Variants in KDM3A observed in about 807,000 individuals in gnomAD.
The protein encoded by KDM3A is lysine demethylase 3A.
KDM3A carries 60 observed loss-of-function variants against 158.0 expected under a neutral mutation model. The ratio of observed to expected loss-of-function variants is 0.38; its 90% CI spans 0.31 to 0.47. The LOEUF is 0.47. KDM3A is among the 20% of genes least tolerant of loss of function. The pLI is 0.99. For synonymous variants in KDM3A, 608 were observed against 549.3 expected, an observed-to-expected ratio of 1.11 and a Z score of -1.49; for missense variants, 1,319 against 1,574.3, an observed-to-expected ratio of 0.84 and a Z score of 2.74.
In KDM3A at chr2:86,489,519, G is replaced by C; in HGVS notation, c.3434-1G>C. 1 of 1,612,184 alleles carries C rather than the reference G, an allele frequency of 6.2e-7. No individual in the cohort carries two copies. The highest frequency in any genetic ancestry group is 1.1e-5 in the South Asian group (1 of 90,908). ...ATATCTGCTTTCTCTTCTTGCTCTA[G>C]AAGTCCTTAAGACCATCCAAGATGG... On this transcript the variant is annotated splice_acceptor_variant, in intron 22 of 25. Coordinates refer to ENST00000312912, the MANE Select transcript of KDM3A (RefSeq NM_018433.6). LOFTEE classifies it high-confidence loss of function.
At chr2:86,451,279 A>C (rs1672452807) in intron 4 of KDM3A, 66 bp downstream of exon 4, 3 of 1,023,406 alleles carry the variant, frequency 2.9e-6, no homozygotes, top group Non-Finnish European at 4.3e-6. Context: ...ATGAGAAGTA[A>C]AGTACAGTTG....
intron 8 of KDM3A, among the ~76,000 whole-genome samples, chr2:86,457,608 T>C (rs1043493707): frequency 3.9e-5 from 6 of 152,188 alleles, no homozygotes; most frequent in African/African-American, 1.4e-4. Context: ...CTCAATAGAT[T>C]TGACAATTTC....
rs767834712 is a variant in KDM3A, at chr2:86,482,074, G to A, written c.2657G>A (p.Arg886Gln). 3.7e-5 allele frequency: 59 copies of A among 1,613,882 alleles called. No individual in the cohort carries two copies. Among genetic ancestry groups the A allele is most frequent in the Non-Finnish European group, 4.4e-5 (52 of 1,179,970 alleles). ...AGCAACAACAATTCTGGTTTCCTCC[G>A]GAATCTCTTGAATTCTTCTACAGGA... ...PVSNNNSGFLRNLLNSSTGKT... is the reference protein window; with the variant it reads ...PVSNNNSGFLQNLLNSSTGKT... Residue 886 changes from arginine (R) to glutamine (Q), a missense_variant, in exon 17 of 26, where the codon CGG becomes CAG. Arg to Gln is a conservative substitution (Grantham distance 43, BLOSUM62 1). Transcript: ENST00000312912.
intron 25 of KDM3A, 171 bp downstream of exon 25, chr2:86,491,446 C>G: frequency 1.6e-6 from 1 of 632,120 alleles, no homozygotes. Context: ...GAGGGAGGAA[C>G]AAGAGGAAAT....
At chr2:86,488,169 A>G (rs1367971879) in intron 21 of KDM3A, 2 of 152,170 alleles carry the variant, frequency 1.3e-5, no homozygotes, top group African/African-American at 4.8e-5. Flanking sequence ...CCATGCTGTC[A>G]TATATCATCC....
chr2:86,447,791 A>G lies in KDM3A; in HGVS notation c.187-2016A>G, dbSNP rs1453828836. On this transcript the variant is annotated intron_variant, in intron 2 of 25. Coordinates refer to ENST00000312912, the MANE Select transcript of KDM3A (RefSeq NM_018433.6). ...TGTAAAATCATTCTAAGAGAGATTC[A>G]GTGTAGCTGGGAATTCAAGGTCTCT... Among the ~76,000 whole-genome samples the G allele has an allele frequency of 3.9e-5, 6 of 152,236 alleles. No individual in the cohort carries two copies. The East Asian group carries it at 1.2e-3, about 29-fold the overall frequency.
chr2:86,464,057 C>T lies in KDM3A; in HGVS notation c.848C>T (p.Ser283Phe). 6.4e-7 allele frequency: 1 copy of T among 1,569,758 alleles called. No individual in the cohort carries two copies. The highest frequency in any genetic ancestry group is 8.7e-7 in the Non-Finnish European group (1 of 1,155,846). ...SKQAKSCSEA[S>F]PSMCPVQSVP... ...TGTTGGTTTGGTATCTTCTAGGCCT[C>T]TCCCAGTATGTGTCCTGTGCAGTCT... The change falls in exon 9 of 26, where the codon TCT (serine) becomes TTT (phenylalanine). Residue 283 changes from serine (S) to phenylalanine (F), a missense_variant. Physicochemically the swap from Ser to Phe is radical, Grantham distance 155. Transcript: ENST00000312912.
intron 5 of KDM3A, among the ~76,000 whole-genome samples, chr2:86,455,399 C>T (rs923458729): frequency 2.6e-5 from 4 of 151,316 alleles, no homozygotes; most frequent in East Asian, 1.9e-4. Flanking sequence ...ACTACAGGCA[C>T]GCACCACCAC....
Position 86,474,803 on chromosome 2 carries a change from G to A in KDM3A, c.1752G>A (p.Leu584=), listed in dbSNP as rs376795532. ...TACAATTCAACAAACATGGTGTGTT[G>A]CGGGTAGAAGGCTTCTTAACACCAA... ...RRLQFNKHGV[L]RVEGFLTPNK... is the part of the protein sequence containing the mutation. The change falls in exon 12 of 26, where the codon TTG becomes TTA. Residue 584 remains leucine (L), a synonymous_variant. Coordinates refer to ENST00000312912, the MANE Select transcript of KDM3A (RefSeq NM_018433.6). 3.2e-6 allele frequency: 5 copies of A among 1,584,734 alleles called. No homozygotes were observed. The highest frequency in any genetic ancestry group is 4.3e-6 in the Non-Finnish European group (5 of 1,160,458).
At chr2:86,482,792 T>TCA (rs1313598994) in intron 18 of KDM3A, 98 bp downstream of exon 18, 3 of 1,055,274 alleles carry the variant, frequency 2.8e-6, no homozygotes, top group Non-Finnish European at 4.2e-6. Context: ...TCCCCCTCCT[T>TCA]CACCTCCTGT....
rs1453163384 is a variant in KDM3A at position 86,457,068 on chromosome 2, T to G, written c.840T>G (p.Ser280=). The change falls in exon 8 of 26, where the codon TCT becomes TCG. Residue 280 remains serine (S), a synonymous_variant. Transcript: ENST00000312912. The part of the protein sequence containing the change: ...TLVSKQAKSC[S]EASPSMCPVQ... ...TTTCCAAACAAGCAAAATCTTGCTC[T>G]GAGGTAACCTTTATTTATGTCACTT... 1 of 1,556,288 alleles carries G rather than the reference T, an allele frequency of 6.4e-7. No homozygotes were observed. Among genetic ancestry groups the G allele is most frequent in the East Asian group, 2.3e-5 (1 of 44,046 alleles).
intron 4 of KDM3A, 121 bp downstream of exon 4, chr2:86,451,334 G>T: frequency 1.8e-6 from 1 of 560,478 alleles, no homozygotes; most frequent in Non-Finnish European, 3.1e-6. Flanking sequence ...TCCTTGCACA[G>T]TAAAACATCT....
chr2:86,458,206 T>C (rs940295813), intron 8 of KDM3A, among the ~76,000 whole-genome samples: 1 of 152,204 alleles, frequency 6.6e-6, no homozygotes, highest in African/African-American at 2.4e-5. Flanking sequence ...AAGCTAGCAC[T>C]GTGCCACACA....
chr2:86,448,133 A>G (rs1683028826), intron 2 of KDM3A, among the ~76,000 whole-genome samples: 1 of 152,266 alleles, frequency 6.6e-6, no homozygotes, highest in Admixed American at 6.5e-5. Flanking sequence ...GAAAGTATTC[A>G]GTAATAACTG....
Position 86,480,202 on chromosome 2 carries a change from A to G in KDM3A, c.2352A>G (p.Ala784=). 1 of 1,613,354 alleles carries G rather than the reference A, an allele frequency of 6.2e-7. No homozygotes were observed. The highest frequency in any genetic ancestry group is 8.5e-7 in the Non-Finnish European group (1 of 1,180,018). The change falls in exon 16 of 26, where the codon GCA becomes GCG. Residue 784 remains alanine, a synonymous_variant. Transcript: ENST00000312912. ...CTGGAGAAAAACCGACTCTTGGTGC[A>G]GTGCTCCAGCAGAATCCCTCAGTGT... The part of the protein sequence containing the change: ...SLAGEKPTLG[A]VLQQNPSVLE...
At chr2:86,489,803 A>AGGT in intron 23 of KDM3A, 144 bp downstream of exon 23, 2 of 799,874 alleles carry the variant, frequency 2.5e-6, no homozygotes, top group Non-Finnish European at 3.8e-6. Flanking sequence ...AATAGGCTGA[A>AGGT]GGTGGTTGCT....
At chr2:86,471,031 GGT>G (rs1258115880) in intron 11 of KDM3A, among the ~76,000 whole-genome samples, 5 of 152,172 alleles carry the variant, frequency 3.3e-5, no homozygotes, top group South Asian at 2.1e-4. Flanking sequence ...TGGGTCAGAA[GGT>G]GTGTGTGTTT....
intron 10 of KDM3A, among the ~76,000 whole-genome samples, chr2:86,469,348 C>T (rs1389067950): frequency 6.6e-6 from 1 of 152,146 alleles, no homozygotes; most frequent in African/African-American, 2.4e-5. Context: ...GCCTAAAAAC[C>T]CACTTCCCTC....
At chr2:86,467,134 A>G (rs988439565) in intron 10 of KDM3A, among the ~76,000 whole-genome samples, 1 of 152,188 alleles carries the variant, frequency 6.6e-6, no homozygotes, top group Non-Finnish European at 1.5e-5. Context: ...CAATAATTTT[A>G]CCCTGTGAAT....
Sources: gnomAD v4.1 joint callset for allele counts (sites outside exome capture counted in the v4.1 genomes callset) on GRCh38, gnomAD v4.1.1 for gene constraint, MANE v1.5 for transcripts, NCBI Gene and HGNC (gene_info 2026-07-23, HGNC 2026-07-21) for gene names.